Variants in NOL4 observed in about 807,000 individuals in gnomAD.
NOL4 encodes cancer/testis antigen 125.
NOL4 carries 17 observed loss-of-function variants against 75.9 expected under a neutral mutation model. The observed-to-expected ratio is 0.22, with a 90% CI of 0.15 to 0.34. The LOEUF is 0.34. NOL4 is among the 10% of genes least tolerant of loss of function. NOL4 has a pLI of 1.00. For missense variants in NOL4, 614 were observed against 793.5 expected (o/e 0.77, Z 2.72); for synonymous variants, 292 against 289.9 (o/e 1.01, Z -0.07).
chr18:33,935,202 C>G (rs1279519181), intron 9 of NOL4, among the ~76,000 whole-genome samples: 1 of 152,078 alleles, frequency 6.6e-6, no homozygotes, highest in African/African-American at 2.4e-5. Context: ...TATTAAATCT[C>G]CTTCACACTT....
chr18:33,936,980 C>T (rs2068099553), intron 9 of NOL4, among the ~76,000 whole-genome samples: 1 of 151,806 alleles, frequency 6.6e-6, no homozygotes, highest in African/African-American at 2.4e-5. Flanking sequence ...GAAATAATTA[C>T]TAAATAATAA....
chr18:33,946,649 A>C (rs1367576671), intron 8 of NOL4, among the ~76,000 whole-genome samples: 2 of 151,768 alleles, frequency 1.3e-5, no homozygotes, highest in African/African-American at 4.8e-5. Flanking sequence ...CTAACCACAC[A>C]TTGCATTTAG....
chr18:34,190,379 G>T (rs1354840946), intron 1 of NOL4, among the ~76,000 whole-genome samples: 2 of 151,882 alleles, frequency 1.3e-5, no homozygotes, highest in Non-Finnish European at 2.9e-5. Context: ...TGGACAAATG[G>T]TGTATATGAT....
Position 33,852,292 on chromosome 18 carries a change from T to A in NOL4, c.*550A>T, listed in dbSNP as rs1469418371. 3 of 152,462 alleles carry A rather than the reference T, an allele frequency of 2.0e-5. No homozygotes were observed. The highest frequency in any genetic ancestry group is 4.4e-5 in the Non-Finnish European group (3 of 67,974). 9.4% of individuals were successfully genotyped at this position (152,462 alleles called of 1,614,324 possible). A position where few individuals can be genotyped will look rare whatever the true frequency, so the allele number is the denominator to read the frequency against. On this transcript the variant is annotated 3_prime_UTR_variant, in exon 11 of 11. Coordinates refer to ENST00000261592, the MANE Select transcript of NOL4 (RefSeq NM_003787.5). ...CAAAACAGTTTTCTTTTAGGACCTA[T>A]GAAAAAGTTACCAAAGTAAAAATGA...
chr18:34,156,241 C>A (rs915526368), intron 1 of NOL4, among the ~76,000 whole-genome samples: 19 of 152,092 alleles, frequency 1.2e-4, no homozygotes, highest in African/African-American at 4.6e-4. Flanking sequence ...TGAGACTTGC[C>A]ATATACTGTG....
chr18:33,889,022 G>A (rs560234894), intron 9 of NOL4, among the ~76,000 whole-genome samples: 54 of 152,146 alleles, frequency 3.5e-4, no homozygotes, highest in African/African-American at 1.3e-3. Context: ...TAAGATCAGA[G>A]CAGAAATGAA....
At chr18:34,002,809 C>T (rs1487621001) in intron 6 of NOL4, among the ~76,000 whole-genome samples, 1 of 152,038 alleles carries the variant, frequency 6.6e-6, no homozygotes, top group Non-Finnish European at 1.5e-5. Flanking sequence ...TGAAAAAAGG[C>T]ACTACATGAT....
chr18:34,059,878 A>G lies in NOL4; in HGVS notation c.772+33587T>C, dbSNP rs11873653. Among the ~76,000 whole-genome samples the G allele has an allele frequency of 2.2e-3, 332 of 152,210 alleles. 5 individuals carry two copies. Among genetic ancestry groups the G allele is most frequent in the African/African-American group, 7.4e-3 (309 of 41,538 alleles). On this transcript the variant is annotated intron_variant, in intron 5 of 10. Transcript: ENST00000261592. ...GAAGAGGCTCTGACACCCGGAGAGA[A>G]ACAGACCCAAATGGTCTAGTATCCC...
intron 6 of NOL4, among the ~76,000 whole-genome samples, chr18:33,977,073 T>C (rs771395114): frequency 3.3e-5 from 5 of 152,118 alleles, no homozygotes; most frequent in Admixed American, 2.0e-4. Context: ...ATAATAATAA[T>C]ATATACAGTA....
chr18:33,974,170 T>C (rs186052471), intron 6 of NOL4, among the ~76,000 whole-genome samples: 55 of 152,296 alleles, frequency 3.6e-4, no homozygotes, highest in African/African-American at 1.2e-3. Context: ...TTACCTTGCA[T>C]GTTTATGTTC....
intron 1 of NOL4, among the ~76,000 whole-genome samples, chr18:34,222,626 G>T (rs1600926020): frequency 6.6e-6 from 1 of 152,362 alleles, no homozygotes; most frequent in Non-Finnish European, 1.5e-5. Context: ...GGTGGCGGCG[G>T]TGGGACACGC....
In NOL4 at chr18:34,223,323, A is replaced by C. The variant is rs771901382; in HGVS notation, c.-70T>G. The C allele has an allele frequency of 1.2e-5, 19 of 1,559,770 alleles. No homozygotes were observed. Among genetic ancestry groups the C allele is most frequent in the Non-Finnish European group, 1.6e-5 (18 of 1,156,720 alleles). On this transcript the variant is annotated 5_prime_UTR_variant, in exon 1 of 11. Transcript: ENST00000261592. Reference sequence around the variant, plus strand: ...GCACCTGTTCACCCTAGGCTCATGAAAAATGCAGCCCCGGCCACGTTGCAG... The same window carrying C: ...GCACCTGTTCACCCTAGGCTCATGACAAATGCAGCCCCGGCCACGTTGCAG...
In NOL4 at chr18:34,223,023, G is replaced by A. The variant is rs1284255186; in HGVS notation, c.231C>T (p.Ala77=). Residue 77 remains alanine, a synonymous_variant, in exon 1 of 11, where the codon GCC becomes GCT. Transcript: ENST00000261592. The part of the protein sequence containing the change: ...PDEVRGGGGG[A]KQVLYVPVKT... ...TGACAGGCACGTAGAGCACTTGCTT[G>A]GCGCCGCCGCCTCCCCCGCGGACCT... 1.9e-5 allele frequency: 30 copies of A among 1,611,996 alleles called. No homozygotes were observed. Among genetic ancestry groups the A allele is most frequent in the Non-Finnish European group, 2.5e-5 (30 of 1,180,022 alleles).
chr18:34,156,082 C>G (rs941949789), intron 1 of NOL4, among the ~76,000 whole-genome samples: 6 of 152,100 alleles, frequency 3.9e-5, no homozygotes, highest in African/African-American at 1.4e-4. Context: ...AGACATGATG[C>G]CTTTCCTCTT....
intron 6 of NOL4, among the ~76,000 whole-genome samples, chr18:33,984,308 A>G (rs964836486): frequency 6.6e-6 from 1 of 152,152 alleles, no homozygotes; most frequent in African/African-American, 2.4e-5. Context: ...ATACCTCAGG[A>G]TAGACACCAT....
At chr18:33,853,097 G>A in intron 10 of NOL4, 62 bp from the exon 11 acceptor site, 18 of 1,372,950 alleles carry the variant, frequency 1.3e-5, no homozygotes, top group Non-Finnish European at 1.8e-5. Context: ...TCTTGGATGT[G>A]AGCATTCAAT....
intron 2 of NOL4, among the ~76,000 whole-genome samples, chr18:34,112,495 T>C (rs953075891): frequency 1.3e-5 from 2 of 152,104 alleles, no homozygotes; most frequent in African/African-American, 4.8e-5. Flanking sequence ...TTCATGTCAC[T>C]ACACATACAT....
At chr18:34,015,223 T>C (rs1410841498) in intron 6 of NOL4, among the ~76,000 whole-genome samples, 7 of 151,988 alleles carry the variant, frequency 4.6e-5, no homozygotes, top group Non-Finnish European at 7.4e-5. Flanking sequence ...GAAGAATCTC[T>C]AAAGTGAAAT....
chr18:34,136,538 T>G (rs895406520), intron 1 of NOL4, among the ~76,000 whole-genome samples: 1 of 151,986 alleles, frequency 6.6e-6, no homozygotes, highest in Non-Finnish European at 1.5e-5. Context: ...TTATTAGCAA[T>G]GAACAATCTG....
Sources: gnomAD v4.1 joint callset for allele counts (sites outside exome capture counted in the v4.1 genomes callset) on GRCh38, gnomAD v4.1.1 for gene constraint, MANE v1.5 for transcripts, NCBI Gene and HGNC (gene_info 2026-07-23, HGNC 2026-07-21) for gene names.